Variants in ICA1L observed in about 807,000 individuals in gnomAD.
ICA1L encodes the protein islet cell autoantigen 1-like protein.
ICA1L carries 50 observed loss-of-function variants against 61.3 expected under a neutral mutation model. That is an observed-to-expected ratio of 0.82 (90% CI 0.65 to 1.03). The LOEUF (loss-of-function observed/expected upper bound fraction) is 1.03. ICA1L is among the 50% of genes least tolerant of loss of function. The pLI, the probability that ICA1L is intolerant of heterozygous loss-of-function variation, is 0.00. For missense variants in ICA1L, 508 were observed against 556.7 expected, an observed-to-expected ratio of 0.91 and a Z score of 0.88; for synonymous variants, 161 against 191.3, an observed-to-expected ratio of 0.84 and a Z score of 1.31.
chr2:202,797,866 C>T (rs1692976947), intron 9 of ICA1L, among the ~76,000 whole-genome samples: 1 of 152,152 alleles, frequency 6.6e-6, no homozygotes. Flanking sequence ...AATACAGTCA[C>T]CACGTTTTAC....
intron 1 of ICA1L, among the ~76,000 whole-genome samples, chr2:202,850,912 G>C (rs368308190): frequency 2.6e-5 from 4 of 152,052 alleles, no homozygotes; most frequent in African/African-American, 9.7e-5. Context: ...ACCGACAAAG[G>C]GAAGTCCATC....
chr2:202,822,207 C>A (rs1693721720), intron 3 of ICA1L, among the ~76,000 whole-genome samples: 1 of 152,120 alleles, frequency 6.6e-6, no homozygotes, highest in South Asian at 2.1e-4. Context: ...TGACATCCAG[C>A]CTGGAGTGCA....
chr2:202,854,148 C>T (rs146241207), intron 1 of ICA1L, among the ~76,000 whole-genome samples: 1 of 151,760 alleles, frequency 6.6e-6, no homozygotes, highest in East Asian at 1.9e-4. Context: ...GGAGACCTAT[C>T]TCATGTGCAG....
intron 1 of ICA1L, chr2:202,841,497 TCTC>T (rs1694328959): frequency 3.9e-6 from 3 of 761,802 alleles, no homozygotes; most frequent in Non-Finnish European, 7.1e-6. Context: ...TGAGGGTCCT[TCTC>T]CTGGGTGCAC....
At chr2:202,845,612 G>A (rs1694444749) in intron 1 of ICA1L, among the ~76,000 whole-genome samples, 1 of 148,096 alleles carries the variant, frequency 6.8e-6, no homozygotes, top group Admixed American at 6.8e-5. Flanking sequence ...GGGCAACAGA[G>A]CAAGAATCTG....
chr2:202,844,406 T>A (rs911325989), intron 1 of ICA1L: 10 of 151,862 alleles, frequency 6.6e-5, no homozygotes, highest in African/African-American at 1.9e-4. Context: ...AAATTAAAAT[T>A]AAAAAAATAA....
intron 1 of ICA1L, among the ~76,000 whole-genome samples, chr2:202,863,679 C>G (rs1687358033): frequency 6.6e-6 from 1 of 151,568 alleles, no homozygotes; most frequent in Non-Finnish European, 1.5e-5. Flanking sequence ...TACAAAAAAT[C>G]AGCCCGGCGT....
chr2:202,810,384 C>T (rs975532283), intron 9 of ICA1L, among the ~76,000 whole-genome samples: 2 of 152,190 alleles, frequency 1.3e-5, no homozygotes, highest in Non-Finnish European at 2.9e-5. Context: ...CCTGTCTTTA[C>T]TGCAGTCTCT....
At chr2:202,853,022 C>G (rs905846894) in intron 1 of ICA1L, among the ~76,000 whole-genome samples, 1 of 151,832 alleles carries the variant, frequency 6.6e-6, no homozygotes, top group African/African-American at 2.4e-5. Context: ...AAACCAGAAC[C>G]CTTCCTTACA....
intron 9 of ICA1L, 47 bp downstream of exon 9, chr2:202,811,699 G>A: frequency 1.4e-6 from 1 of 722,322 alleles, no homozygotes; most frequent in Non-Finnish European, 2.3e-6. Flanking sequence ...AAACTATTTT[G>A]ACATTTAAAA....
intron 9 of ICA1L, among the ~76,000 whole-genome samples, chr2:202,804,530 A>T (rs1443626685): frequency 1.3e-5 from 2 of 152,214 alleles, no homozygotes; most frequent in Non-Finnish European, 2.9e-5. Context: ...AGATCCTCAA[A>T]ATACATCAAG....
At chr2:202,860,540 T>A (rs1038207371) in intron 1 of ICA1L, among the ~76,000 whole-genome samples, 8 of 150,182 alleles carry the variant, frequency 5.3e-5, no homozygotes, top group Non-Finnish European at 1.0e-4. Flanking sequence ...GATCATGAGG[T>A]CAAGAGTTTG....
chr2:202,864,179 T>C (rs1687393250), intron 1 of ICA1L, among the ~76,000 whole-genome samples: 6 of 152,294 alleles, frequency 3.9e-5, no homozygotes, highest in Middle Eastern at 6.8e-3. Context: ...CCCAATTCAT[T>C]TTATGAGCCA....
At chr2:202,839,303 G>A (rs541030902) in intron 1 of ICA1L, among the ~76,000 whole-genome samples, 14 of 151,958 alleles carry the variant, frequency 9.2e-5, no homozygotes, top group Non-Finnish European at 1.3e-4. Flanking sequence ...GATCGAGACC[G>A]TCCTGGCTAA....
chr2:202,866,595 ACAT>A (rs1687521127), intron 1 of ICA1L, among the ~76,000 whole-genome samples: 1 of 152,220 alleles, frequency 6.6e-6, no homozygotes, highest in African/African-American at 2.4e-5. Context: ...CTCTTAATTA[ACAT>A]CATTTACAAA....
chr2:202,845,878 C>T (rs540009240), intron 1 of ICA1L, among the ~76,000 whole-genome samples: 3 of 152,272 alleles, frequency 2.0e-5, no homozygotes, highest in Admixed American at 6.5e-5. Flanking sequence ...AGACTTTTGA[C>T]TTAATATAAC....
intron 1 of ICA1L, among the ~76,000 whole-genome samples, chr2:202,868,338 G>A (rs137964050): frequency 6.6e-6 from 1 of 152,298 alleles, no homozygotes; most frequent in East Asian, 1.9e-4. Context: ...AAATTGGTGA[G>A]AATGTGAGTA....
chr2:202,794,074 C>T (rs1463725563), intron 10 of ICA1L, among the ~76,000 whole-genome samples: 1 of 151,420 alleles, frequency 6.6e-6, no homozygotes, highest in Non-Finnish European at 1.5e-5. Context: ...AACTGGAATG[C>T]AAACATGATA....
At chr2:202,832,693 C>A (rs1559141793) in intron 1 of ICA1L, among the ~76,000 whole-genome samples, 2 of 151,936 alleles carry the variant, frequency 1.3e-5, no homozygotes, top group African/African-American at 4.8e-5. Flanking sequence ...ACAAGAGGAT[C>A]TCTTGAGCCC....
Sources: gnomAD v4.1 joint callset for allele counts (sites outside exome capture counted in the v4.1 genomes callset) on GRCh38, gnomAD v4.1.1 for gene constraint, MANE v1.5 for transcripts, NCBI Gene and HGNC (gene_info 2026-07-23, HGNC 2026-07-21) for gene names.